The following WASF1 variants were observed in gnomAD, a reference collection of about 807,000 sequenced individuals.
WASF1 encodes actin-binding protein WASF1.
A neutral mutation model predicts 50.5 loss-of-function variants in WASF1; 7 were observed. That is an observed-to-expected ratio of 0.14 (90% confidence interval 0.08 to 0.26). The LOEUF is 0.26. WASF1 is among the 10% of genes least tolerant of loss of function. The pLI is 1.00. For synonymous variants in WASF1, 205 were observed against 244.0 expected (o/e 0.84, Z 1.49); for missense variants, 470 against 694.7 (o/e 0.68, Z 3.64).
chr6:110,103,891 G>A (rs538485028), intron 8 of WASF1, among the ~76,000 whole-genome samples: 1 of 152,054 alleles, frequency 6.6e-6, no homozygotes, highest in South Asian at 2.1e-4. Flanking sequence ...CAAATTGTGT[G>A]GAAAGCTATC....
chr6:110,139,014 C>T (rs866004403), intron 3 of WASF1, among the ~76,000 whole-genome samples: 4 of 152,216 alleles, frequency 2.6e-5, no homozygotes, highest in Non-Finnish European at 5.9e-5. Context: ...CAGGCCTGAG[C>T]CGAGCTTCCC....
intron 3 of WASF1, among the ~76,000 whole-genome samples, chr6:110,159,629 T>G (rs1038145655): frequency 5.3e-5 from 8 of 151,892 alleles, no homozygotes; most frequent in Non-Finnish European, 1.2e-4. Context: ...TAAGCATCCC[T>G]TATCTGAAAT....
At chr6:110,175,509 T>C (rs76673454) in intron 2 of WASF1, among the ~76,000 whole-genome samples, 2,941 of 152,196 alleles carry the variant, frequency 0.019, 93 homozygotes, top group African/African-American at 0.067. Context: ...GCGGTAACTT[T>C]AGGGAAAATG....
chr6:110,161,472 A>C (rs1415317040), intron 2 of WASF1, among the ~76,000 whole-genome samples: 1 of 151,570 alleles, frequency 6.6e-6, no homozygotes, highest in African/African-American at 2.4e-5. Flanking sequence ...TGAGCCTCTT[A>C]GATAGCAGTG....
At chr6:110,150,496 C>T (rs771651888) in intron 3 of WASF1, among the ~76,000 whole-genome samples, 2 of 152,196 alleles carry the variant, frequency 1.3e-5, no homozygotes, top group Non-Finnish European at 2.9e-5. Context: ...ACACTAGCCA[C>T]ATTTCAAGTG....
At chr6:110,148,220 C>T (rs1775665402) in intron 3 of WASF1, among the ~76,000 whole-genome samples, 1 of 152,078 alleles carries the variant, frequency 6.6e-6, no homozygotes. Flanking sequence ...AACGGCAGTA[C>T]TGACACACTG....
At chr6:110,141,746 G>A (rs557425827) in intron 3 of WASF1, among the ~76,000 whole-genome samples, 5 of 151,848 alleles carry the variant, frequency 3.3e-5, no homozygotes, top group South Asian at 4.2e-4. Context: ...AGGTTGCTGC[G>A]GGAAGACAGA....
intron 4 of WASF1, among the ~76,000 whole-genome samples, chr6:110,117,895 C>T (rs975657269): frequency 7.9e-5 from 12 of 152,088 alleles, no homozygotes; most frequent in Non-Finnish European, 1.3e-4. Flanking sequence ...AACCCAGAAT[C>T]TCATATCCAG....
intron 5 of WASF1, among the ~76,000 whole-genome samples, chr6:110,112,268 A>C (rs1028336965): frequency 1.3e-5 from 2 of 152,124 alleles, no homozygotes; most frequent in Admixed American, 6.5e-5. Context: ...AAATATTTTG[A>C]AGAGAGTGTA....
chr6:110,171,007 C>T (rs1474882325), intron 2 of WASF1, among the ~76,000 whole-genome samples: 1 of 152,130 alleles, frequency 6.6e-6, no homozygotes, highest in Non-Finnish European at 1.5e-5. Flanking sequence ...TATCAACATC[C>T]TTCTATCGGT....
intron 6 of WASF1, 26 bp downstream of exon 6, chr6:110,108,502 G>C: frequency 1.3e-6 from 2 of 1,570,368 alleles, no homozygotes; most frequent in Non-Finnish European, 1.7e-6. Context: ...ATAAATAATA[G>C]GGCTACTATT....
At chr6:110,120,890 A>G (rs1774085398) in intron 4 of WASF1, among the ~76,000 whole-genome samples, 3 of 152,214 alleles carry the variant, frequency 2.0e-5, no homozygotes, top group Admixed American at 1.3e-4. Context: ...CCACACATCT[A>G]CAACCATCTG....
intron 2 of WASF1, among the ~76,000 whole-genome samples, chr6:110,175,592 T>A (rs1206299178): frequency 1.3e-5 from 2 of 152,134 alleles, no homozygotes; most frequent in African/African-American, 4.8e-5. Flanking sequence ...CTAAAACAGA[T>A]CTCCGAAGTC....
intron 3 of WASF1, among the ~76,000 whole-genome samples, chr6:110,128,863 A>G (rs1349924390): frequency 6.6e-6 from 1 of 152,090 alleles, no homozygotes; most frequent in Non-Finnish European, 1.5e-5. Context: ...TTCTCATAGG[A>G]GCACGAGGCC....
chr6:110,131,805 T>C (rs532439195), intron 3 of WASF1, among the ~76,000 whole-genome samples: 3 of 152,290 alleles, frequency 2.0e-5, no homozygotes, highest in South Asian at 2.1e-4. Context: ...GCCTGGCTTA[T>C]AGTTAAGTCT....
At chr6:110,128,333 T>C (rs773955442) in intron 3 of WASF1, among the ~76,000 whole-genome samples, 28 of 152,200 alleles carry the variant, frequency 1.8e-4, no homozygotes, top group Non-Finnish European at 3.5e-4. Flanking sequence ...ATAATAGGGA[T>C]TTTGTTCTAG....
At chr6:110,132,537 T>C (rs1281457869) in intron 3 of WASF1, among the ~76,000 whole-genome samples, 1 of 151,928 alleles carries the variant, frequency 6.6e-6, no homozygotes, top group Non-Finnish European at 1.5e-5. Context: ...GTTCCTTTAT[T>C]ATTATTTTAT....
intron 3 of WASF1, among the ~76,000 whole-genome samples, chr6:110,140,033 A>C (rs1775155280): frequency 6.6e-6 from 1 of 152,172 alleles, no homozygotes. Context: ...TATCTAAAGC[A>C]TTGCTTTTTT....
In WASF1 at chr6:110,179,551, G is replaced by A. The variant is rs947235986; in HGVS notation, c.-384C>T. 1 of 151,984 alleles carries A rather than the reference G, an allele frequency of 6.6e-6. No individual in the cohort carries two copies. Among genetic ancestry groups the A allele is most frequent in the African/African-American group, 2.4e-5 (1 of 41,406 alleles). The allele number at this position is 151,984 out of a possible 1,614,324, so 9.4% of individuals were successfully genotyped here. A position where few individuals can be genotyped will look rare whatever the true frequency, so the allele number is the denominator to read the frequency against. ...GAGCCCCCAGGAGGGTCGGGCTCTG[G>A]GGCGGAACCCGCTCAGGGCAGCGGC... On this transcript the variant is annotated 5_prime_UTR_variant, in exon 1 of 11. Coordinates refer to ENST00000392589, the MANE Select transcript of WASF1 (RefSeq NM_003931.3).
Sources: allele counts gnomAD v4.1 joint callset (sites outside exome capture counted in the v4.1 genomes callset), GRCh38; gene constraint gnomAD v4.1.1; transcripts MANE v1.5; gene names NCBI Gene and HGNC (gene_info 2026-07-23, HGNC 2026-07-21).